The following SEMA4D variants were observed in gnomAD, a reference collection of about 807,000 sequenced individuals.
SEMA4D encodes the protein semaphorin 4D, also known as semaphorin-4D.
SEMA4D carries 22 observed loss-of-function variants against 74.8 expected under a neutral mutation model. That is an observed-to-expected ratio of 0.29 (90% CI 0.21 to 0.42). The LOEUF (loss-of-function observed/expected upper bound fraction) is 0.42. Among genes scored for constraint, SEMA4D ranks in the 10% least tolerant of loss-of-function variants. The probability of loss-of-function intolerance (pLI) is 1.00; values close to 1 mark genes in which losing one functional copy is unlikely to be tolerated. For synonymous variants in SEMA4D, 445 were observed against 463.7 expected (o/e 0.96, Z 0.52); for missense variants, 937 against 1,118.4 (o/e 0.84, Z 2.31).
At chr9:89,428,379 G>C (rs564964000) in intron 2 of SEMA4D, among the ~76,000 whole-genome samples, 1 of 152,366 alleles carries the variant, frequency 6.6e-6, no homozygotes, top group African/African-American at 2.4e-5. Context: ...ACGAGGGCAA[G>C]ACCCATATGA....
intron 2 of SEMA4D, among the ~76,000 whole-genome samples, chr9:89,428,657 C>T (rs1308377540): frequency 6.6e-6 from 1 of 152,220 alleles, no homozygotes; most frequent in Non-Finnish European, 1.5e-5. Flanking sequence ...ACGGCCTGGC[C>T]CACTGTCTCC....
At chr9:89,416,944 T>TA (rs534920125) in intron 2 of SEMA4D, among the ~76,000 whole-genome samples, 246 of 152,198 alleles carry the variant, frequency 1.6e-3, no homozygotes, top group African/African-American at 4.8e-3. Flanking sequence ...TTTATTTACA[T>TA]AAAAAAATGA....
rs1851234547 is a variant in SEMA4D, at chr9:89,439,508, A to C, written c.-244+16380T>G. Among the ~76,000 whole-genome samples the C allele has an allele frequency of 2.6e-5, 4 of 152,220 alleles. No homozygotes were observed. The South Asian group carries it at 8.3e-4, about 31-fold the overall frequency. On this transcript the variant is annotated intron_variant, in intron 2 of 15. Transcript: ENST00000422704. Reference sequence around the variant, plus strand: ...AAGCAATGGTAATATTAAGAGAAACACTCAAACTGGAAAGAAGCATTTCTT... The same window carrying C: ...AAGCAATGGTAATATTAAGAGAAACCCTCAAACTGGAAAGAAGCATTTCTT...
chr9:89,493,816 G>C (rs932337520), intron 1 of SEMA4D, among the ~76,000 whole-genome samples: 9 of 152,214 alleles, frequency 5.9e-5, no homozygotes, highest in Non-Finnish European at 1.0e-4. Context: ...AGACACCACA[G>C]GAAATGCTGG....
chr9:89,438,704 C>A (rs1022337836), intron 2 of SEMA4D, among the ~76,000 whole-genome samples: 1 of 151,944 alleles, frequency 6.6e-6, no homozygotes, highest in African/African-American at 2.4e-5. Flanking sequence ...CTCGCTCTGT[C>A]GCCCAGGCTG....
At chr9:89,458,060 A>C in intron 1 of SEMA4D, among the ~76,000 whole-genome samples, 1 of 152,108 alleles carries the variant, frequency 6.6e-6, no homozygotes, top group Non-Finnish European at 1.5e-5. Context: ...ACAACAAAAA[A>C]CAAACCCTGA....
At chr9:89,370,048 G>C (rs889626284) in intron 16 of SEMA4D, among the ~76,000 whole-genome samples, 2 of 145,038 alleles carry the variant, frequency 1.4e-5, no homozygotes, top group Admixed American at 6.7e-5. Flanking sequence ...TGTGTGTGGT[G>C]CATGTGTGAG....
intron 1 of SEMA4D, among the ~76,000 whole-genome samples, chr9:89,476,390 T>C (rs1009155133): frequency 2.0e-5 from 3 of 152,318 alleles, no homozygotes; most frequent in Non-Finnish European, 4.4e-5. Context: ...ATCTGGCCAA[T>C]CATTATTCTT....
chr9:89,432,364 G>A (rs76458056), intron 2 of SEMA4D, among the ~76,000 whole-genome samples: 1 of 152,290 alleles, frequency 6.6e-6, no homozygotes, highest in Admixed American at 6.5e-5. Context: ...TGGGGAGTTG[G>A]GAGCTGAGAT....
intron 16 of SEMA4D, among the ~76,000 whole-genome samples, chr9:89,366,652 A>G (rs565457179): frequency 3.3e-5 from 5 of 152,368 alleles, no homozygotes; most frequent in African/African-American, 1.2e-4. Context: ...ATATGTCTCT[A>G]TGTACATCTA....
intron 3 of SEMA4D, among the ~76,000 whole-genome samples, chr9:89,404,209 C>T (rs1842790708): frequency 1.3e-5 from 2 of 152,222 alleles, no homozygotes; most frequent in Non-Finnish European, 2.9e-5. Context: ...GCATGAGGCT[C>T]AGCTGCACGT....
chr9:89,438,688 C>T (rs750097314), intron 2 of SEMA4D, among the ~76,000 whole-genome samples: 73 of 151,430 alleles, frequency 4.8e-4, no homozygotes, highest in African/African-American at 1.3e-3. Context: ...TTTTTTAAGA[C>T]GGAGTCTCGC....
intron 2 of SEMA4D, among the ~76,000 whole-genome samples, chr9:89,426,108 T>C (rs1848043337): frequency 6.6e-6 from 1 of 152,100 alleles, no homozygotes. Flanking sequence ...GCATGCAGTT[T>C]CTCCAGGGGA....
intron 2 of SEMA4D, among the ~76,000 whole-genome samples, chr9:89,451,686 C>CT (rs1356841053): frequency 1.3e-5 from 2 of 152,034 alleles, no homozygotes; most frequent in African/African-American, 4.8e-5. Context: ...TCCCAGGAAA[C>CT]TAGGGCTCCC....
Position 89,388,763 on chromosome 9 carries a change from G to A in SEMA4D, c.980C>T (p.Ala327Val). 1 of 1,609,174 alleles carries A rather than the reference G, an allele frequency of 6.2e-7. No homozygotes were observed. The highest frequency in any genetic ancestry group is 8.5e-7 in the Non-Finnish European group (1 of 1,177,200). Residue 327 changes from alanine to valine, a missense_variant, in exon 11 of 16, where the codon GCC becomes GTC. Ala to Val is a moderately conservative substitution (Grantham distance 64). Coordinates refer to ENST00000422704, the MANE Select transcript of SEMA4D (RefSeq NM_001371194.2). ...CTCCTCGGCTGTGGACAGGTTGTAG[G>A]CGCACACTGCCGACAGCCCCACGTT... ...LNNVGLSAVC[A>V]YNLSTAEEVF... is the part of the protein sequence containing the mutation.
intron 12 of SEMA4D, 150 bp from the exon 13 acceptor site, chr9:89,386,632 A>T (rs922493221): frequency 6.8e-6 from 4 of 586,662 alleles, no homozygotes; most frequent in Admixed American, 3.3e-5. Flanking sequence ...TTAGAAACAA[A>T]AAAAGGAAAA....
chr9:89,477,429 T>C (rs1262344643), intron 1 of SEMA4D, among the ~76,000 whole-genome samples: 3 of 152,084 alleles, frequency 2.0e-5, no homozygotes, highest in African/African-American at 4.8e-5. Flanking sequence ...ACAAGAGTAA[T>C]GTACACCAAG....
At position 89,494,398 on chromosome 9, in the gene SEMA4D, C is replaced by T. The variant is rs147440387; in HGVS notation, c.-310+3521G>A. 1.9e-3 allele frequency among the ~76,000 whole-genome samples: 290 copies of T among 152,276 alleles called. 1 individual carries two copies. The highest frequency in any genetic ancestry group is 6.4e-3 in the African/African-American group (267 of 41,556). Reference sequence around the variant, plus strand: ...GCTGAGTCCCTAGAGCCTGGGGCAGCGCCTGGCACCAGGTCCACATAGGCG... The same window carrying T: ...GCTGAGTCCCTAGAGCCTGGGGCAGTGCCTGGCACCAGGTCCACATAGGCG... On this transcript the variant is annotated intron_variant, in intron 1 of 15. Coordinates refer to ENST00000422704, the MANE Select transcript of SEMA4D (RefSeq NM_001371194.2).
chr9:89,484,069 G>A lies in SEMA4D; in HGVS notation c.-310+13850C>T, dbSNP rs921516614. Among the ~76,000 whole-genome samples, 1 of 152,244 alleles carries A rather than the reference G, an allele frequency of 6.6e-6. No individual in the cohort carries two copies. The highest frequency in any genetic ancestry group is 2.4e-5 in the African/African-American group (1 of 41,456). Reference sequence around the variant, plus strand: ...TAAGGAAGAGGGCGGGCCCCACTGAGGCTGCGCACAAGCTGGCAGGCACAG... The same window carrying A: ...TAAGGAAGAGGGCGGGCCCCACTGAAGCTGCGCACAAGCTGGCAGGCACAG... On this transcript the variant is annotated intron_variant, in intron 1 of 15. Transcript: ENST00000422704. The surrounding 1 kb of genome is among the most constrained non-coding windows in gnomAD (Gnocchi z 4.1).
Sources: gnomAD v4.1 joint callset for allele counts (sites outside exome capture counted in the v4.1 genomes callset) on GRCh38, gnomAD v4.1.1 for gene constraint, Gnocchi (gnomAD v3.1) non-coding constraint, MANE v1.5 for transcripts, NCBI Gene and HGNC (gene_info 2026-07-23, HGNC 2026-07-21) for gene names.